Variants in LPP observed in about 807,000 individuals in gnomAD.
LPP encodes the protein LIM domain containing preferred translocation partner in lipoma.
Under a neutral mutation model 60.4 loss-of-function variants are expected in LPP, and 38 were observed. That is an observed-to-expected ratio of 0.63 (90% CI 0.49 to 0.83). LPP has a LOEUF of 0.83. LPP is among the 40% of genes least tolerant of loss of function. The probability of loss-of-function intolerance (pLI) is 0.00; values close to 1 mark genes in which losing one functional copy is unlikely to be tolerated. For synonymous variants in LPP, 328 were observed against 290.8 expected (o/e 1.13, Z -1.30); for missense variants, 902 against 783.6 (o/e 1.15, Z -1.80).
chr3:188,434,046 GA>G (rs1299328740), intron 4 of LPP, among the ~76,000 whole-genome samples: 2 of 152,226 alleles, frequency 1.3e-5, no homozygotes, highest in East Asian at 3.9e-4. Context: ...GATTACTGTT[GA>G]GAAGTAATAG....
At chr3:188,603,302 T>C (rs1841789748) in intron 6 of LPP, among the ~76,000 whole-genome samples, 1 of 151,782 alleles carries the variant, frequency 6.6e-6, no homozygotes, top group African/African-American at 2.4e-5. Flanking sequence ...TGATCACTTA[T>C]CTCTTAAAAA....
chr3:188,501,922 A>AC (rs955712790), intron 5 of LPP, among the ~76,000 whole-genome samples: 28 of 152,154 alleles, frequency 1.8e-4, no homozygotes, highest in African/African-American at 6.3e-4. Flanking sequence ...ATTAAAAAAA[A>AC]AAACAAACAA....
chr3:188,558,089 T>G (rs928420409), intron 6 of LPP, among the ~76,000 whole-genome samples: 1 of 152,156 alleles, frequency 6.6e-6, no homozygotes, highest in Non-Finnish European at 1.5e-5. Flanking sequence ...CCTCAACCAG[T>G]AAGTTCCTTA....
intron 5 of LPP, among the ~76,000 whole-genome samples, chr3:188,519,197 C>T (rs751703066): frequency 6.6e-6 from 1 of 152,100 alleles, no homozygotes; most frequent in Non-Finnish European, 1.5e-5. Flanking sequence ...CTGGTACACA[C>T]TACCTTAATC....
intron 2 of LPP, among the ~76,000 whole-genome samples, chr3:188,293,990 C>T (rs373492277): frequency 5.1e-5 from 7 of 137,734 alleles, no homozygotes; most frequent in South Asian, 2.4e-4. Flanking sequence ...GGCTTGAACC[C>T]GGGAGGTGGA....
intron 6 of LPP, among the ~76,000 whole-genome samples, chr3:188,586,433 C>T (rs1837463847): frequency 6.6e-6 from 1 of 152,084 alleles, no homozygotes; most frequent in Admixed American, 6.5e-5. Context: ...CTCATTAGTC[C>T]ACTGTGGACC....
Position 188,609,910 on chromosome 3 carries a change from A to C in LPP, c.1113+66A>C. The C allele has an allele frequency of 1.4e-6, 2 of 1,478,300 alleles. No individual in the cohort carries two copies. Among genetic ancestry groups the C allele is most frequent in the South Asian group, 2.7e-5 (2 of 75,324 alleles). The allele number at this position is 1,478,300 out of a possible 1,614,324, so 91.6% of individuals were successfully genotyped here. A position where few individuals can be genotyped will look rare whatever the true frequency, so the allele number is the denominator to read the frequency against. On this transcript the variant is annotated intron_variant, in intron 7 of 11. Transcript: ENST00000617246. This position sits in a 1 kb window ranked among gnomAD's most constrained non-coding sequence, Gnocchi z 6.9. ...CCTATCTTAGTCTGCCTTCCCCAGGAAGCGAAGCCTAAGGCAAAAGTGTGT... is the reference window on the plus strand; with the variant it reads ...CCTATCTTAGTCTGCCTTCCCCAGGCAGCGAAGCCTAAGGCAAAAGTGTGT...
At chr3:188,441,609 CTTTTTTTTT>C (rs1004222826) in intron 4 of LPP, among the ~76,000 whole-genome samples, 29 of 55,664 alleles carry the variant, frequency 5.2e-4, no homozygotes, top group Admixed American at 1.4e-3. Flanking sequence ...CTTTTCTTTT[CTTTTTTTTT>C]TTTTTTTTTT....
At chr3:188,522,293 A>C (rs1301260268) in intron 5 of LPP, among the ~76,000 whole-genome samples, 1 of 152,132 alleles carries the variant, frequency 6.6e-6, no homozygotes, top group African/African-American at 2.4e-5. Context: ...TAGCCTTCAA[A>C]TCTGGGCCGT....
At chr3:188,416,839 T>C (rs1364611366) in intron 4 of LPP, among the ~76,000 whole-genome samples, 1 of 152,156 alleles carries the variant, frequency 6.6e-6, no homozygotes, top group Non-Finnish European at 1.5e-5. Flanking sequence ...TTGCTTTGGG[T>C]AGCAATGCCT....
At chr3:188,250,193 T>C (rs143079697) in intron 2 of LPP, among the ~76,000 whole-genome samples, 1 of 152,314 alleles carries the variant, frequency 6.6e-6, no homozygotes, top group African/African-American at 2.4e-5. Context: ...GTCTCTTTAG[T>C]CTCCTTTGAT....
At chr3:188,471,524 A>C (rs912580443) in intron 4 of LPP, among the ~76,000 whole-genome samples, 13 of 152,206 alleles carry the variant, frequency 8.5e-5, no homozygotes, top group African/African-American at 2.9e-4. Context: ...TTAAGATAAA[A>C]AGGAAAAGGG....
At chr3:188,202,016 A>G (rs1731224087) in intron 1 of LPP, among the ~76,000 whole-genome samples, 1 of 151,726 alleles carries the variant, frequency 6.6e-6, no homozygotes. Flanking sequence ...GTTGAGTGGC[A>G]ATGGGAGAAA....
intron 9 of LPP, among the ~76,000 whole-genome samples, chr3:188,858,352 A>G (rs1764326039): frequency 6.6e-6 from 1 of 152,014 alleles, no homozygotes; most frequent in Admixed American, 6.6e-5. Context: ...CCTGCCCCAC[A>G]TTTTTCAAGG....
chr3:188,205,587 T>C (rs1022929933), intron 1 of LPP, among the ~76,000 whole-genome samples: 4 of 152,116 alleles, frequency 2.6e-5, no homozygotes, highest in Non-Finnish European at 4.4e-5. Flanking sequence ...CAGCTGTAAG[T>C]AGAGTATAAT....
Position 188,805,482 on chromosome 3 carries a change from TC to T in LPP, c.1410+45201del. On this transcript the variant is annotated intron_variant, in intron 9 of 11. Coordinates refer to ENST00000617246, the MANE Select transcript of LPP (RefSeq NM_001375462.1). ...TGATATTTATAATTAATGTCTTATT[TC>T]TTTTTTTTCTTCTTGGTAAGTCTGA... 1.3e-5 allele frequency among the ~76,000 whole-genome samples: 2 copies of T among 151,776 alleles called. 1 individual carries two copies. Among genetic ancestry groups the T allele is most frequent in the South Asian group, 4.2e-4 (2 of 4,802 alleles).
chr3:188,708,390 T>G lies in LPP; in HGVS notation c.1237T>G (p.Phe413Val). The G allele has an allele frequency of 6.2e-7, 1 of 1,614,194 alleles. No homozygotes were observed. The highest frequency in any genetic ancestry group is 1.1e-5 in the South Asian group (1 of 91,086). Residue 413 changes from phenylalanine to valine, a missense_variant, in exon 8 of 12, where the codon TTT becomes GTT. By Grantham distance (50) the Phe-to-Val change is conservative. Coordinates refer to ENST00000617246, the MANE Select transcript of LPP (RefSeq NM_001375462.1). ...GGAAAATCCACCTGCTGACGAATAC[T>G]TTGGTGAGTGGGGCCTAGAGCTGAC... The part of the protein sequence containing the change: ...DMENPPADEY[F>V]GRCARCGENV...
At chr3:188,567,438 A>C (rs1832450557) in intron 6 of LPP, among the ~76,000 whole-genome samples, 1 of 151,918 alleles carries the variant, frequency 6.6e-6, no homozygotes, top group Non-Finnish European at 1.5e-5. Context: ...GTGGTAAGAA[A>C]CCATTGTAAC....
intron 7 of LPP, among the ~76,000 whole-genome samples, chr3:188,617,827 T>A (rs2151506300): frequency 6.6e-6 from 1 of 152,322 alleles, no homozygotes; most frequent in African/African-American, 2.4e-5. Context: ...AAATTCTATT[T>A]ATCAGTGTTT....
Sources: gnomAD v4.1 joint callset for allele counts (sites outside exome capture counted in the v4.1 genomes callset) on GRCh38, gnomAD v4.1.1 for gene constraint, Gnocchi (gnomAD v3.1) non-coding constraint, MANE v1.5 for transcripts, NCBI Gene and HGNC (gene_info 2026-07-23, HGNC 2026-07-21) for gene names.